Variants in FBXW7 observed in about 807,000 individuals in gnomAD.
The protein encoded by FBXW7 is F-box and WD repeat domain containing 7.
Under a neutral mutation model 86.3 loss-of-function variants are expected in FBXW7, and 11 were observed. That is an observed-to-expected ratio of 0.13 (90% CI 0.08 to 0.21). The LOEUF (loss-of-function observed/expected upper bound fraction) is 0.21, where lower values mean the gene tolerates loss of function less well. Ranked by LOEUF, FBXW7 falls within the 10% of genes least tolerant of loss-of-function variation. The pLI, the probability that FBXW7 is intolerant of heterozygous loss-of-function variation, is 1.00. For synonymous variants in FBXW7, 313 were observed against 297.9 expected (o/e 1.05, Z -0.52); for missense variants, 488 against 847.4 (o/e 0.58, Z 5.27).
intron 2 of FBXW7, among the ~76,000 whole-genome samples, chr4:152,509,624 G>C (rs1002983133): frequency 7.2e-5 from 11 of 152,130 alleles, no homozygotes; most frequent in African/African-American, 2.4e-4. Context: ...TAACAATCAT[G>C]AATAATCTTA....
At chr4:152,444,297 G>A (rs1454073452) in intron 2 of FBXW7, among the ~76,000 whole-genome samples, 1 of 151,250 alleles carries the variant, frequency 6.6e-6, no homozygotes, top group Admixed American at 6.6e-5. Flanking sequence ...ACATTTTATG[G>A]CTGGATGGTT....
chr4:152,518,739 ATCTT>A (rs1384305936), intron 2 of FBXW7, among the ~76,000 whole-genome samples: 1 of 152,268 alleles, frequency 6.6e-6, no homozygotes, highest in Non-Finnish European at 1.5e-5. Flanking sequence ...CCAAGAGAAA[ATCTT>A]TCACAAAACA....
intron 4 of FBXW7, among the ~76,000 whole-genome samples, chr4:152,359,337 A>C (rs1345653258): frequency 1.3e-5 from 2 of 152,156 alleles, no homozygotes; most frequent in Non-Finnish European, 2.9e-5. Context: ...GTGGTGGCTC[A>C]CACCCATAAT....
intron 4 of FBXW7, chr4:152,352,822 T>G (rs1731973714): frequency 1.9e-6 from 3 of 1,547,832 alleles, no homozygotes; most frequent in African/African-American, 1.4e-5. Flanking sequence ...GTCAAAGCCT[T>G]GACTGAACAG....
intron 4 of FBXW7, among the ~76,000 whole-genome samples, chr4:152,350,931 C>T (rs1731755330): frequency 3.3e-5 from 5 of 151,902 alleles, no homozygotes; most frequent in Non-Finnish European, 5.9e-5. Flanking sequence ...TAAATATATT[C>T]AGAATTGTTT....
chr4:152,341,168 CCTT>C (rs1730706522), intron 6 of FBXW7, among the ~76,000 whole-genome samples: 2 of 152,184 alleles, frequency 1.3e-5, no homozygotes, highest in Admixed American at 6.5e-5. Context: ...AAGTCTTAAA[CCTT>C]CTTAAAACCT....
intron 2 of FBXW7, among the ~76,000 whole-genome samples, chr4:152,520,155 C>T (rs1369401426): frequency 1.3e-5 from 2 of 152,128 alleles, no homozygotes; most frequent in African/African-American, 2.4e-5. Context: ...CATTACCGGC[C>T]GGGCGCGGTG....
intron 4 of FBXW7, among the ~76,000 whole-genome samples, chr4:152,377,509 T>C (rs2126763025): frequency 6.6e-6 from 1 of 151,112 alleles, no homozygotes; most frequent in African/African-American, 2.4e-5. Context: ...CCCAGCCCTC[T>C]GGGAGACCGA....
intron 4 of FBXW7, among the ~76,000 whole-genome samples, chr4:152,356,374 T>C (rs1003751863): frequency 5.3e-5 from 8 of 151,848 alleles, no homozygotes; most frequent in Non-Finnish European, 8.8e-5. Flanking sequence ...AACTAAAAAG[T>C]TTATAATTAG....
chr4:152,441,639 G>A (rs1171352923), intron 2 of FBXW7, among the ~76,000 whole-genome samples: 1 of 152,114 alleles, frequency 6.6e-6, no homozygotes, highest in Non-Finnish European at 1.5e-5. Flanking sequence ...TACGCAAAGA[G>A]CCAAGACTAT....
At chr4:152,486,823 T>C (rs1326396744) in intron 2 of FBXW7, among the ~76,000 whole-genome samples, 1 of 152,174 alleles carries the variant, frequency 6.6e-6, no homozygotes, top group Non-Finnish European at 1.5e-5. Flanking sequence ...TACACAATTA[T>C]ATGTGCTATA....
chr4:152,501,104 T>G (rs978543243), intron 2 of FBXW7, among the ~76,000 whole-genome samples: 1 of 152,206 alleles, frequency 6.6e-6, no homozygotes, highest in African/African-American at 2.4e-5. Context: ...CAAGTTTCTT[T>G]CTTGTAAGAT....
chr4:152,344,863 A>G (rs1190329381), intron 6 of FBXW7, among the ~76,000 whole-genome samples: 1 of 152,172 alleles, frequency 6.6e-6, no homozygotes, highest in Non-Finnish European at 1.5e-5. Context: ...ACTCTGAACT[A>G]CCTTCTGAAA....
intron 2 of FBXW7, among the ~76,000 whole-genome samples, chr4:152,502,787 T>G (rs972700311): frequency 2.6e-5 from 4 of 152,170 alleles, no homozygotes; most frequent in Admixed American, 6.5e-5. Context: ...AGAGCAAAAT[T>G]AAAAGCTATT....
chr4:152,356,504 T>C (rs1732398883), intron 4 of FBXW7, among the ~76,000 whole-genome samples: 1 of 152,182 alleles, frequency 6.6e-6, no homozygotes, highest in Non-Finnish European at 1.5e-5. Flanking sequence ...ATTTTATTAT[T>C]ATCATGACAA....
At chr4:152,344,475 A>G (rs1163528221) in intron 6 of FBXW7, among the ~76,000 whole-genome samples, 1 of 151,974 alleles carries the variant, frequency 6.6e-6, no homozygotes, top group African/African-American at 2.4e-5. Context: ...TCTTCACTGC[A>G]CCTACTCCTT....
At chr4:152,424,875 A>C (rs1253584250) in intron 2 of FBXW7, among the ~76,000 whole-genome samples, 1 of 152,248 alleles carries the variant, frequency 6.6e-6, no homozygotes, top group Non-Finnish European at 1.5e-5. Flanking sequence ...GAAATTTAAA[A>C]TAAAGCTAAC....
intron 2 of FBXW7, among the ~76,000 whole-genome samples, chr4:152,497,289 T>G (rs1359931557): frequency 8.7e-6 from 1 of 114,300 alleles, no homozygotes; most frequent in Non-Finnish European, 1.6e-5. Flanking sequence ...ACCACTGCAC[T>G]CCAGCCTGGG....
Position 152,325,719 on chromosome 4 carries a change from T to A in FBXW7, c.1644+287A>T. On this transcript the variant is annotated intron_variant, in intron 12 of 13. Transcript: ENST00000281708. ...AATCCAGGTTACTCTCCTATGAGAC[T>A]ATTTAACCATTAATTAACATAGCAA... is the stretch of plus-strand genomic sequence containing the variant. 6 of 327,058 alleles carry A rather than the reference T, an allele frequency of 1.8e-5. No individual in the cohort carries two copies. In the South Asian group the frequency reaches 3.2e-4, roughly 17 times the overall value. 20.3% of individuals were successfully genotyped at this position (327,058 alleles called of 1,614,324 possible). A position where few individuals can be genotyped will look rare whatever the true frequency, so the allele number is the denominator to read the frequency against.
Sources: allele counts gnomAD v4.1 joint callset (sites outside exome capture counted in the v4.1 genomes callset), GRCh38; gene constraint gnomAD v4.1.1; transcripts MANE v1.5; gene names NCBI Gene and HGNC (gene_info 2026-07-23, HGNC 2026-07-21).